The following GPHN variants were observed in gnomAD, a reference collection of about 807,000 sequenced individuals.
GPHN encodes the protein gephyrin.
Under a neutral mutation model 95.5 loss-of-function variants are expected in GPHN, and 17 were observed. The observed-to-expected ratio is 0.18, with a 90% confidence interval of 0.12 to 0.27. The LOEUF (loss-of-function observed/expected upper bound fraction) is 0.27, where lower values mean the gene tolerates loss of function less well. GPHN is among the 10% of genes least tolerant of loss of function. The probability of loss-of-function intolerance (pLI) is 1.00; values close to 1 mark genes in which losing one functional copy is unlikely to be tolerated. For missense variants in GPHN, 660 were observed against 978.1 expected, an observed-to-expected ratio of 0.67 and a Z score of 4.34; for synonymous variants, 320 against 322.5, an observed-to-expected ratio of 0.99 and a Z score of 0.08.
the GPHN span, among the ~76,000 whole-genome samples, chr14:67,362,924 C>T: frequency 6.6e-5 from 10 of 152,114 alleles, no homozygotes; most frequent in Non-Finnish European, 1.3e-4. Flanking sequence ...TGCAAAGAGA[C>T]TTGTGCCTCC....
At chr14:67,336,487 A>G in the GPHN span, 1 of 276,378 alleles carries the variant, frequency 3.6e-6, no homozygotes, top group African/African-American at 2.2e-5. Flanking sequence ...TTAAGAAGCC[A>G]CAGGAGAAAT....
chr14:67,726,005 G>A, the GPHN span: 1 of 1,297,014 alleles, frequency 7.7e-7, no homozygotes, highest in Non-Finnish European at 1.1e-6. Flanking sequence ...CAGGCAGCTA[G>A]GGGACTCCTT....
At chr14:66,920,460 T>G (rs1255352522) in intron 6 of GPHN, among the ~76,000 whole-genome samples, 1 of 152,176 alleles carries the variant, frequency 6.6e-6, no homozygotes, top group South Asian at 2.1e-4. Flanking sequence ...ATCTTTCCTG[T>G]CTTTCTCATA....
At chr14:67,086,833 T>A (rs1428547833) in intron 11 of GPHN, among the ~76,000 whole-genome samples, 3 of 150,918 alleles carry the variant, frequency 2.0e-5, no homozygotes, top group Admixed American at 6.6e-5. Context: ...GGTCAGGAGA[T>A]CGAGACCATC....
intron 4 of GPHN, among the ~76,000 whole-genome samples, chr14:66,849,480 G>A (rs1345264317): frequency 7.9e-5 from 12 of 151,882 alleles, no homozygotes; most frequent in South Asian, 2.1e-4. Flanking sequence ...ATATGTACAA[G>A]TTTATGTATT....
chr14:66,629,842 C>T (rs1306610807), intron 1 of GPHN, among the ~76,000 whole-genome samples: 1 of 152,102 alleles, frequency 6.6e-6, no homozygotes, highest in Non-Finnish European at 1.5e-5. Context: ...TGCATGACTT[C>T]AATTATACTC....
rs2063850611 is a variant in GPHN, at chr14:66,879,920, A to G, written c.295-19A>G. 3 of 1,530,944 alleles carry G rather than the reference A, an allele frequency of 2.0e-6. No individual in the cohort carries two copies. Among genetic ancestry groups the G allele is most frequent in the Admixed American group, 3.4e-5 (2 of 59,684 alleles). 94.8% of individuals were successfully genotyped at this position (1,530,944 alleles called of 1,614,324 possible). A position where few individuals can be genotyped will look rare whatever the true frequency, so the allele number is the denominator to read the frequency against. On this transcript the variant is annotated intron_variant, in intron 4 of 22. Coordinates refer to ENST00000478722, the MANE Select transcript of GPHN (RefSeq NM_020806.5). ...TTTGGCTTATTTCACTCAGTCTGCT[A>G]TTTAATCTTTAATTACAGGCCACAA...
At chr14:66,763,696 G>C (rs963263252) in intron 2 of GPHN, among the ~76,000 whole-genome samples, 10 of 152,158 alleles carry the variant, frequency 6.6e-5, no homozygotes, top group African/African-American at 2.4e-4. Flanking sequence ...GTAATCTAGA[G>C]ATGATTTCAA....
chr14:67,218,275 G>A, the GPHN span, among the ~76,000 whole-genome samples: 1 of 152,194 alleles, frequency 6.6e-6, no homozygotes, highest in African/African-American at 2.4e-5. Flanking sequence ...CTACAGAGCT[G>A]TTTCTCAGGC....
At chr14:67,556,033 G>T in the GPHN span, 1 of 1,082,950 alleles carries the variant, frequency 9.2e-7, no homozygotes, top group Non-Finnish European at 1.3e-6. Context: ...AGCTTTCTGT[G>T]GGAGTAGAGT....
chr14:67,102,489 C>G (rs2077765773), intron 13 of GPHN, among the ~76,000 whole-genome samples: 1 of 151,620 alleles, frequency 6.6e-6, no homozygotes, highest in African/African-American at 2.4e-5. Context: ...GGAGAAAGCC[C>G]ATCTCTACTG....
the GPHN span, chr14:67,340,001 A>G: frequency 6.8e-6 from 1 of 147,416 alleles, no homozygotes; most frequent in East Asian, 2.1e-4. Context: ...ATTGCACTCC[A>G]GCCTGGGTGA....
At chr14:66,996,291 C>T (rs1013167783) in intron 9 of GPHN, 6 of 1,001,626 alleles carry the variant, frequency 6.0e-6, no homozygotes, top group Admixed American at 6.0e-5. Context: ...TTTTATTTTC[C>T]TTTCGCCTTA....
chr14:66,581,415 T>TA (rs1312596335), intron 1 of GPHN, among the ~76,000 whole-genome samples: 4 of 151,616 alleles, frequency 2.6e-5, no homozygotes, highest in Admixed American at 6.6e-5. Context: ...ACACTTAAGA[T>TA]AAAAAGTGGG....
chr14:67,372,838 C>CA, the GPHN span, among the ~76,000 whole-genome samples: 1 of 146,634 alleles, frequency 6.8e-6, no homozygotes, highest in Non-Finnish European at 1.5e-5. Flanking sequence ...AAAAAAAAAA[C>CA]AAAAAACAAA....
the GPHN span, chr14:67,333,036 G>A: frequency 1.6e-6 from 2 of 1,272,816 alleles, no homozygotes; most frequent in South Asian, 2.8e-5. Context: ...ACTGCAGCAA[G>A]ATTGAGGATA....
chr14:67,508,956 T>G, the GPHN span, among the ~76,000 whole-genome samples: 1 of 151,948 alleles, frequency 6.6e-6, no homozygotes, highest in African/African-American at 2.4e-5. Context: ...CACAGCTGAA[T>G]TATAATGATG....
intron 9 of GPHN, among the ~76,000 whole-genome samples, chr14:67,017,569 G>C (rs958827557): frequency 6.6e-6 from 1 of 151,970 alleles, no homozygotes; most frequent in African/African-American, 2.4e-5. Context: ...AAGCCATGAT[G>C]CATCAAAAAT....
intron 13 of GPHN, among the ~76,000 whole-genome samples, chr14:67,104,283 C>T (rs2077912247): frequency 6.6e-6 from 1 of 152,036 alleles, no homozygotes; most frequent in Non-Finnish European, 1.5e-5. Flanking sequence ...TTTTATTAAG[C>T]ATTTTTGCAC....
Sources: allele counts gnomAD v4.1 joint callset (sites outside exome capture counted in the v4.1 genomes callset), GRCh38; gene constraint gnomAD v4.1.1; transcripts MANE v1.5; gene names NCBI Gene and HGNC (gene_info 2026-07-23, HGNC 2026-07-21).